The following RYK variants were observed in gnomAD, a reference collection of about 807,000 sequenced individuals.
The protein encoded by RYK is receptor like tyrosine kinase.
RYK carries 21 observed loss-of-function variants against 70.2 expected under a neutral mutation model. The ratio of observed to expected loss-of-function variants is 0.30; its 90% CI spans 0.21 to 0.43. The LOEUF (loss-of-function observed/expected upper bound fraction) is 0.43. RYK is among the 20% of genes least tolerant of loss of function. The pLI is 1.00. For synonymous variants in RYK, 267 were observed against 278.0 expected, an observed-to-expected ratio of 0.96 and a Z score of 0.39; for missense variants, 604 against 753.3, an observed-to-expected ratio of 0.80 and a Z score of 2.32.
At chr3:134,173,956 C>T (rs1291788975) in intron 13 of RYK, among the ~76,000 whole-genome samples, 1 of 152,122 alleles carries the variant, frequency 6.6e-6, no homozygotes, top group African/African-American at 2.4e-5. Flanking sequence ...TGTCCTACTC[C>T]CTGAAACTTG....
intron 4 of RYK, 110 bp from the exon 5 acceptor site, chr3:134,207,635 C>A: frequency 1.5e-6 from 1 of 653,538 alleles, no homozygotes; most frequent in Non-Finnish European, 2.6e-6. Context: ...GTATGTGTTG[C>A]GAGATAATGA....
At chr3:134,189,740 C>CAAAAAAA (rs57016937) in intron 8 of RYK, among the ~76,000 whole-genome samples, 131 of 92,550 alleles carry the variant, frequency 1.4e-3, no homozygotes, top group Middle Eastern at 6.5e-3. Flanking sequence ...GAGACTCCGC[C>CAAAAAAA]AAAAAAAAAA....
intron 1 of RYK, among the ~76,000 whole-genome samples, chr3:134,239,860 G>A (rs1272102908): frequency 6.6e-6 from 1 of 152,216 alleles, no homozygotes; most frequent in East Asian, 1.9e-4. Context: ...AGGAAGATGA[G>A]CCTCTCTGGG....
At chr3:134,198,164 T>C (rs1055510464) in intron 6 of RYK, among the ~76,000 whole-genome samples, 2 of 152,354 alleles carry the variant, frequency 1.3e-5, no homozygotes, top group Non-Finnish European at 2.9e-5. Context: ...TAATAGTTTA[T>C]AGCCAGTCTA....
At chr3:134,179,770 A>G (rs2013230861) in intron 10 of RYK, 2 of 152,212 alleles carry the variant, frequency 1.3e-5, no homozygotes, top group Admixed American at 6.5e-5. Flanking sequence ...CTGTTGCCCA[A>G]TCTATTTAAC....
At chr3:134,225,529 C>T (rs1261143270) in intron 1 of RYK, among the ~76,000 whole-genome samples, 1 of 151,946 alleles carries the variant, frequency 6.6e-6, no homozygotes, top group Non-Finnish European at 1.5e-5. Context: ...AATCCACAAT[C>T]ACAATTGGAA....
At position 134,209,015 on chromosome 3, in the gene RYK, G is replaced by A. The variant is rs148638447; in HGVS notation, c.589+680C>T. 3.9e-5 allele frequency among the ~76,000 whole-genome samples: 6 copies of A among 152,212 alleles called. No individual in the cohort carries two copies. In the East Asian group the frequency reaches 1.2e-3, roughly 29 times the overall value. ...GCTTTGTGGAACTTACAGTGAGTGG[G>A]TTGGACTAAACTTGTAAGGAGAACT... On this transcript the variant is annotated intron_variant, in intron 4 of 14. Transcript: ENST00000623711.
chr3:134,163,376 G>A (rs1364045667), intron 13 of RYK, among the ~76,000 whole-genome samples: 7 of 152,082 alleles, frequency 4.6e-5, no homozygotes, highest in Admixed American at 1.3e-4. Context: ...GTTTGACGTC[G>A]GTGGAAAGGG....
At chr3:134,220,794 T>C (rs1024262176) in intron 2 of RYK, among the ~76,000 whole-genome samples, 3 of 152,072 alleles carry the variant, frequency 2.0e-5, no homozygotes, top group African/African-American at 7.2e-5. Context: ...GGTAGAAACA[T>C]CAATAAAAGA....
chr3:134,192,065 G>T, intron 7 of RYK, 91 bp from the exon 8 acceptor site: 1 of 1,267,232 alleles, frequency 7.9e-7, no homozygotes, highest in Non-Finnish European at 1.1e-6. Context: ...CAGGACTCAG[G>T]TCACAGGAAT....
In RYK at chr3:134,249,917, GTTTTTTTTTTTT is replaced by G. The variant is rs71624038; in HGVS notation, c.232+494_232+505del. Among the ~76,000 whole-genome samples, 82 of 93,364 alleles carry G rather than the reference GTTTTTTTTTTTT, an allele frequency of 8.8e-4. 3 individuals are homozygous for G. The highest frequency in any genetic ancestry group is 4.0e-3 in the African/African-American group (76 of 18,890). 61.3% of individuals were successfully genotyped at this position (93,364 alleles called of 152,430 possible). A position where few individuals can be genotyped will look rare whatever the true frequency, so the allele number is the denominator to read the frequency against. On this transcript the variant is annotated intron_variant, in intron 1 of 14. Transcript: ENST00000623711. ...TATAACCTCCCCTTCTTTCTCTCTC[GTTTTTTTTTTTT>G]TTTTTTTTTTTTTTGTAAAAGGGTA...
chr3:134,209,745 G>A lies in RYK; in HGVS notation c.539C>T (p.Ser180Leu). The A allele has an allele frequency of 6.7e-7, 1 of 1,501,732 alleles. No individual in the cohort carries two copies. The highest frequency in any genetic ancestry group is 8.9e-7 in the Non-Finnish European group (1 of 1,124,984). 93.0% of individuals were successfully genotyped at this position (1,501,732 alleles called of 1,614,324 possible). A position where few individuals can be genotyped will look rare whatever the true frequency, so the allele number is the denominator to read the frequency against. The change falls in exon 4 of 15, where the codon TCA becomes TTA. Residue 180 changes from serine to leucine, a missense_variant. By Grantham distance (145) the Ser-to-Leu change is moderately radical. Around this residue, in one of 2 missense-constraint regions of RYK, gnomAD observed 466 missense variants for 535.9 expected, o/e 0.87. Transcript: ENST00000623711. ...LMQLNLTVNS[S>L]KNFTVLNFKR... ...AAAATTTAAGACGGTAAAATTTTTT[G>A]AAGAATTTACTGTCAAGTTGAGCTG... is the stretch of plus-strand genomic sequence containing the variant.
At chr3:134,215,967 C>T (rs997353389) in intron 2 of RYK, among the ~76,000 whole-genome samples, 20 of 145,964 alleles carry the variant, frequency 1.4e-4, no homozygotes, top group African/African-American at 4.9e-4. Flanking sequence ...ACCTGGGGGG[C>T]GGAGGATGTA....
At chr3:134,214,837 C>T (rs761532349) in intron 2 of RYK, among the ~76,000 whole-genome samples, 1 of 152,174 alleles carries the variant, frequency 6.6e-6, no homozygotes, top group Non-Finnish European at 1.5e-5. Context: ...TTCAACACCC[C>T]GGCAGATCTA....
In RYK at chr3:134,211,659, AC is replaced by A. The variant is rs2014401210; in HGVS notation, c.355-53del. 14 of 1,229,830 alleles carry A rather than the reference AC, an allele frequency of 1.1e-5. 1 individual carries two copies. Among genetic ancestry groups the A allele is most frequent in the Middle Eastern group, 1.9e-4 (1 of 5,314 alleles). 76.2% of individuals were successfully genotyped at this position (1,229,830 alleles called of 1,614,324 possible). On this transcript the variant is annotated intron_variant, in intron 2 of 14. Coordinates refer to ENST00000623711, the MANE Select transcript of RYK (RefSeq NM_002958.4). ...ATGGACCTGTGATAACAAGAAGGAT[AC>A]TATCAGCTTGACTTCATTAATTGGC...
chr3:134,227,685 T>G (rs1220770938), intron 1 of RYK, among the ~76,000 whole-genome samples: 1 of 152,060 alleles, frequency 6.6e-6, no homozygotes, highest in East Asian at 1.9e-4. Context: ...TTTTATTTTT[T>G]TTTAAGATGA....
At chr3:134,193,404 T>C (rs184208435) in intron 7 of RYK, among the ~76,000 whole-genome samples, 181 of 152,278 alleles carry the variant, frequency 1.2e-3, no homozygotes, top group Admixed American at 7.3e-3. Flanking sequence ...AGGATGGTCT[T>C]GATCTCCTGA....
chr3:134,243,450 A>T (rs2015375465), intron 1 of RYK, among the ~76,000 whole-genome samples: 1 of 152,186 alleles, frequency 6.6e-6, no homozygotes, highest in Non-Finnish European at 1.5e-5. Flanking sequence ...TATAACCCAG[A>T]CCTGACTGCG....
chr3:134,203,010 G>T, intron 5 of RYK, 136 bp from the exon 6 acceptor site: 1 of 688,280 alleles, frequency 1.5e-6, no homozygotes, highest in Non-Finnish European at 2.4e-6. Flanking sequence ...GCATATTGGT[G>T]GAAGTTCACA....
Sources: allele counts gnomAD v4.1 joint callset (sites outside exome capture counted in the v4.1 genomes callset), GRCh38; gene constraint gnomAD v4.1.1; regional missense constraint gnomAD v4.1.1; transcripts MANE v1.5; gene names NCBI Gene and HGNC (gene_info 2026-07-23, HGNC 2026-07-21).